The following LRRC4B variants were observed in gnomAD, a reference collection of about 807,000 sequenced individuals.
LRRC4B encodes the protein leucine rich repeat containing 4B, also known as leucine-rich repeat-containing protein 4B.
In LRRC4B, 1 loss-of-function variant was observed where a neutral mutation model predicts 7.3. The observed-to-expected ratio is 0.14, with a 90% CI of 0.05 to 0.65. The LOEUF (loss-of-function observed/expected upper bound fraction) is 0.65, where lower values mean the gene tolerates loss of function less well. LRRC4B is among the 30% of genes least tolerant of loss of function. The probability of loss-of-function intolerance (pLI) is 0.84; values close to 1 mark genes in which losing one functional copy is unlikely to be tolerated. For missense variants in LRRC4B, 730 were observed against 1,041.6 expected (o/e 0.70, Z 4.12); for synonymous variants, 500 against 499.2 (o/e 1.00, Z -0.02).
chr19:50,553,592 G>A lies in LRRC4B; in HGVS notation c.-35-4719C>T, dbSNP rs1027447098. 7.2e-5 allele frequency among the ~76,000 whole-genome samples: 11 copies of A among 152,112 alleles called. No homozygotes were observed. The highest frequency in any genetic ancestry group is 2.4e-4 in the African/African-American group (10 of 41,426). On this transcript the variant is annotated intron_variant, in intron 1 of 2. Transcript: ENST00000652263. The surrounding 1 kb of genome is among the most constrained non-coding windows in gnomAD (Gnocchi z 4.2). The stretch of plus-strand genomic sequence containing the variant: ...CCTTCTCAGTGAGGCCGTCCTGACC[G>A]CCCCGCATCAAACAGCACCCCTATC...
chr19:50,563,375 C>T lies in LRRC4B; in HGVS notation c.-36+4569G>A, dbSNP rs947905690. On this transcript the variant is annotated intron_variant, in intron 1 of 2. Coordinates refer to ENST00000652263, the MANE Select transcript of LRRC4B (RefSeq NM_001080457.2). This position sits in a 1 kb window ranked among gnomAD's most constrained non-coding sequence, Gnocchi z 4.9. ...CTCCCCAGTGGGGACAAAGGGTCTC[C>T]AAACTCAGAGTTAATGAGGTTTCCC... Among the ~76,000 whole-genome samples, 1 of 152,144 alleles carries T rather than the reference C, an allele frequency of 6.6e-6. No individual in the cohort carries two copies. Among genetic ancestry groups the T allele is most frequent in the Non-Finnish European group, 1.5e-5 (1 of 68,016 alleles).
At chr19:50,545,290 C>T (rs910934162) in intron 2 of LRRC4B, among the ~76,000 whole-genome samples, 2 of 151,674 alleles carry the variant, frequency 1.3e-5, no homozygotes, top group Non-Finnish European at 2.9e-5. Context: ...GCCTGTAATC[C>T]CAGCTACTCA....
chr19:50,551,234 C>G (rs560116247), intron 1 of LRRC4B, among the ~76,000 whole-genome samples: 1 of 152,024 alleles, frequency 6.6e-6, no homozygotes, highest in South Asian at 2.1e-4. Context: ...CGCCCAGGCC[C>G]CCCCCTCCAC....
intron 2 of LRRC4B, among the ~76,000 whole-genome samples, chr19:50,533,171 A>G (rs1309667784): frequency 6.6e-6 from 1 of 152,094 alleles, no homozygotes; most frequent in African/African-American, 2.4e-5. Context: ...ATTTACTATA[A>G]TTACTAATAT....
chr19:50,549,065 G>T (rs935688146), intron 1 of LRRC4B, among the ~76,000 whole-genome samples, 192 bp from the exon 2 acceptor site: 6 of 152,136 alleles, frequency 3.9e-5, no homozygotes, highest in African/African-American at 1.4e-4. Context: ...AGCTTGGCCC[G>T]CCTGGCCCTG....
At chr19:50,549,022 G>A (rs771408850) in intron 1 of LRRC4B, 149 bp from the exon 2 acceptor site, 478 of 569,164 alleles carry the variant, frequency 8.4e-4, no homozygotes, top group Non-Finnish European at 1.1e-3. Context: ...GCTGCCGATG[G>A]ACCCACCCAG....
intron 2 of LRRC4B, among the ~76,000 whole-genome samples, chr19:50,531,993 C>T (rs991844880): frequency 6.6e-6 from 1 of 152,136 alleles, no homozygotes; most frequent in Non-Finnish European, 1.5e-5. Flanking sequence ...GAGGCCAAGG[C>T]GGGAGGATTG....
chr19:50,545,408 C>CAAAA (rs58857784), intron 2 of LRRC4B, among the ~76,000 whole-genome samples: 2 of 78,740 alleles, frequency 2.5e-5, no homozygotes, highest in African/African-American at 9.9e-5. Flanking sequence ...AACTCCATCT[C>CAAAA]AAAAAAAAAA....
At position 50,517,856 on chromosome 19, in the gene LRRC4B, G is replaced by A. The variant is rs1980358878; in HGVS notation, c.1857C>T (p.Asn619=). The change falls in exon 3 of 3, where the codon AAC becomes AAT. Residue 619 remains asparagine, a synonymous_variant. Transcript: ENST00000652263. The surrounding 1 kb of genome is among the most constrained non-coding windows in gnomAD (Gnocchi z 6.6). The part of the protein sequence containing the change: ...HGPTRTVEII[N]VEDELPAASA... ...AGGCGGCGGGCAGCTCGTCCTCCACGTTGATGATCTCCACGGTGCGCGTGG... is the reference window on the plus strand; with the variant it reads ...AGGCGGCGGGCAGCTCGTCCTCCACATTGATGATCTCCACGGTGCGCGTGG... The A allele has an allele frequency of 1.3e-6, 2 of 1,588,606 alleles. No homozygotes were observed. Among genetic ancestry groups the A allele is most frequent in the Non-Finnish European group, 1.7e-6 (2 of 1,171,398 alleles).
At chr19:50,534,469 G>C (rs2122837609) in intron 2 of LRRC4B, among the ~76,000 whole-genome samples, 1 of 152,304 alleles carries the variant, frequency 6.6e-6, no homozygotes, top group Middle Eastern at 3.4e-3. Flanking sequence ...CTACAGTAGA[G>C]GACCTAGGCC....
rs1568731012 is a variant in LRRC4B at position 50,548,411 on chromosome 19, C to T, written c.297+131G>A. The T allele has an allele frequency of 6.2e-6, 8 of 1,292,492 alleles. No individual in the cohort carries two copies. Among genetic ancestry groups the T allele is most frequent in the East Asian group, 5.0e-5 (2 of 39,652 alleles). The allele number at this position is 1,292,492 out of a possible 1,614,324, so 80.1% of individuals were successfully genotyped here. A position where few individuals can be genotyped will look rare whatever the true frequency, so the allele number is the denominator to read the frequency against. ...GGCTCCAGCTGATAGGATGCAGACC[C>T]GCAGGCCACATCCACAGGTGCCGGA... On this transcript the variant is annotated intron_variant, in intron 2 of 2. Coordinates refer to ENST00000652263, the MANE Select transcript of LRRC4B (RefSeq NM_001080457.2). The surrounding 1 kb of genome is among the most constrained non-coding windows in gnomAD (Gnocchi z 6.8).
At chr19:50,566,500 A>AG (rs1982634245) in intron 1 of LRRC4B, among the ~76,000 whole-genome samples, 1 of 130,272 alleles carries the variant, frequency 7.7e-6, no homozygotes, top group African/African-American at 2.9e-5. Context: ...GGCAGGGAGG[A>AG]GGGGAGGGCG....
intron 2 of LRRC4B, among the ~76,000 whole-genome samples, chr19:50,541,778 G>A (rs188172243): frequency 1.8e-4 from 27 of 152,230 alleles, no homozygotes; most frequent in East Asian, 1.7e-3. Context: ...ATTCCCTCTG[G>A]GTATATATTC....
At chr19:50,543,364 G>A (rs1981642023) in intron 2 of LRRC4B, among the ~76,000 whole-genome samples, 2 of 151,970 alleles carry the variant, frequency 1.3e-5, no homozygotes, top group South Asian at 4.2e-4. Context: ...GTGTGTGTGT[G>A]TGTCTCTGTG....
At position 50,563,823 on chromosome 19, in the gene LRRC4B, G is replaced by A. The variant is rs1228072994; in HGVS notation, c.-36+4121C>T. ...CAGATCCTGGTCCTGGAGAATGGGC[G>A]TGTGCTCTGCGTCCTGGCAGTCTTA... On this transcript the variant is annotated intron_variant, in intron 1 of 2. Coordinates refer to ENST00000652263, the MANE Select transcript of LRRC4B (RefSeq NM_001080457.2). This position sits in a 1 kb window ranked among gnomAD's most constrained non-coding sequence, Gnocchi z 4.9. Among the ~76,000 whole-genome samples, 3 of 152,216 alleles carry A rather than the reference G, an allele frequency of 2.0e-5. No homozygotes were observed. Among genetic ancestry groups the A allele is most frequent in the South Asian group, 2.1e-4 (1 of 4,834 alleles).
rs376100575 is a variant in LRRC4B at position 50,518,194 on chromosome 19, G to A, written c.1519C>T (p.Arg507Trp). The change falls in exon 3 of 3, where the codon CGG becomes TGG. Residue 507 changes from arginine (R) to tryptophan (W), a missense_variant. Around this residue, in one of 6 missense-constraint regions of LRRC4B, gnomAD observed 192 missense variants for 228.6 expected, o/e 0.84. Transcript: ENST00000652263. ...TQPGEEALQP[R>W]GTEKEPPGPT... ...CCTGGCGGTTCCTTCTCCGTCCCCC[G>A]CGGCTGCAGGGCCTCCTCTCCGGGC... is the stretch of plus-strand genomic sequence containing the variant. The A allele has an allele frequency of 9.3e-6, 15 of 1,608,320 alleles. No individual in the cohort carries two copies. The African/African-American group carries it at 1.6e-4, about 17-fold the overall frequency.
Position 50,519,042 on chromosome 19 carries a change from T to C in LRRC4B, c.671A>G (p.Asn224Ser), listed in dbSNP as rs1030936995. The C allele has an allele frequency of 5.0e-6, 8 of 1,610,350 alleles. No individual in the cohort carries two copies. The highest frequency in any genetic ancestry group is 5.9e-6 in the Non-Finnish European group (7 of 1,179,832). Reference protein sequence around the residue: ...LGMCNLKDIPNLTALVRLEEL... With the variant: ...LGMCNLKDIPSLTALVRLEEL... ...CTCCAGGCGCACCAGGGCCGTCAGG[T>C]TGGGGATGTCCTTGAGGTTGCACAT... is the stretch of plus-strand genomic sequence containing the variant. The change falls in exon 3 of 3, where the codon AAC becomes AGC. Residue 224 changes from asparagine to serine, a missense_variant. By Grantham distance (46) the Asn-to-Ser change is conservative (BLOSUM62 1). Coordinates refer to ENST00000652263, the MANE Select transcript of LRRC4B (RefSeq NM_001080457.2). The surrounding 1 kb of genome is among the most constrained non-coding windows in gnomAD (Gnocchi z 8.1).
chr19:50,518,129 C>G lies in LRRC4B; in HGVS notation c.1584G>C (p.Gly528=). ...TDGVWGGGRP[G]DAAGPASSST... is the part of the protein sequence containing the mutation. ...AAGACGAGGCAGGGCCGGCCGCGTC[C>G]CCAGGCCGGCCCCCACCCCAGACAC... Residue 528 remains glycine (G), a synonymous_variant, in exon 3 of 3, where the codon GGG becomes GGC. Coordinates refer to ENST00000652263, the MANE Select transcript of LRRC4B (RefSeq NM_001080457.2). 1 of 1,594,286 alleles carries G rather than the reference C, an allele frequency of 6.3e-7. No individual in the cohort carries two copies. Among genetic ancestry groups the G allele is most frequent in the South Asian group, 1.1e-5 (1 of 89,616 alleles).
intron 2 of LRRC4B, among the ~76,000 whole-genome samples, chr19:50,543,424 G>A (rs571634441): frequency 6.6e-6 from 1 of 151,920 alleles, no homozygotes; most frequent in East Asian, 1.9e-4. Context: ...AACTCACAGG[G>A]CGGTGCTTCT....
Sources: gnomAD v4.1 joint callset for allele counts (sites outside exome capture counted in the v4.1 genomes callset) on GRCh38, gnomAD v4.1.1 for gene constraint, gnomAD v4.1.1 regional missense constraint, Gnocchi (gnomAD v3.1) non-coding constraint, MANE v1.5 for transcripts, NCBI Gene and HGNC (gene_info 2026-07-23, HGNC 2026-07-21) for gene names.